NUDT5: variants seen among roughly 807,000 people sequenced by gnomAD.
The protein encoded by NUDT5 is ADP-sugar pyrophosphatase.
A neutral mutation model predicts 34.1 loss-of-function variants in NUDT5; 21 were observed. The observed-to-expected ratio is 0.62, with a 90% confidence interval of 0.44 to 0.89. The LOEUF is 0.89. Among genes scored for constraint, NUDT5 ranks in the 40% least tolerant of loss-of-function variants. NUDT5 has a pLI of 0.00. For missense variants in NUDT5, 249 were observed against 274.8 expected, an observed-to-expected ratio of 0.91 and a Z score of 0.66; for synonymous variants, 85 against 97.6, an observed-to-expected ratio of 0.87 and a Z score of 0.76.
At position 12,171,687 on chromosome 10, in the gene NUDT5, T is replaced by TTTTA. The variant is rs200279977; in HGVS notation, c.488-783_488-780dup. ...TGTGCAGTTCAAAAATTAAGATTTA[T>TTTTA]TTTATTTATTTATTTATTTATTTAT... On this transcript the variant is annotated intron_variant, in intron 7 of 9. Transcript: ENST00000491614. The surrounding 1 kb of genome is among the most constrained non-coding windows in gnomAD (Gnocchi z 4.2). Among the ~76,000 whole-genome samples the TTTTA allele has an allele frequency of 0.1, 14,646 of 139,912 alleles. 830 individuals are homozygous for TTTTA. Among genetic ancestry groups the TTTTA allele is most frequent in the Middle Eastern group, 0.18 (50 of 280 alleles). 91.8% of individuals were successfully genotyped at this position (139,912 alleles called of 152,430 possible).
chr10:12,185,815 T>A lies in NUDT5; in HGVS notation c.63+414A>T, dbSNP rs144598955. ...AAATTGAATAACACAGAGACATACA[T>A]TGGTTCTAGAATTCACTGGAATTTA... On this transcript the variant is annotated intron_variant, in intron 2 of 9. Transcript: ENST00000491614. 1.1e-3 allele frequency among the ~76,000 whole-genome samples: 169 copies of A among 152,328 alleles called. 1 individual carries two copies. The highest frequency in any genetic ancestry group is 3.5e-3 in the African/African-American group (146 of 41,586).
At chr10:12,179,282 T>A in intron 3 of NUDT5, 150 bp from the exon 4 acceptor site, 1 of 616,222 alleles carries the variant, frequency 1.6e-6, no homozygotes, top group Non-Finnish European at 2.8e-6. Context: ...AACGTCTGCA[T>A]TAAAGAAGCT....
At chr10:12,191,717 T>C (rs1334365557) in intron 1 of NUDT5, among the ~76,000 whole-genome samples, 1 of 152,182 alleles carries the variant, frequency 6.6e-6, no homozygotes, top group Non-Finnish European at 1.5e-5. Flanking sequence ...TGAGATCCTA[T>C]GTAAAAAATG....
rs1430645096 is a variant in NUDT5, at chr10:12,187,579, G to C, written c.-41-1247C>G. On this transcript the variant is annotated intron_variant, in intron 1 of 9. Transcript: ENST00000491614. This position sits in a 1 kb window ranked among gnomAD's most constrained non-coding sequence, Gnocchi z 5.4. ...ATATAGAATTATAGACCCAAAGCCA[G>C]TTGTCTATGAAACTGTAAGGCATTG... Among the ~76,000 whole-genome samples, 1 of 152,162 alleles carries C rather than the reference G, an allele frequency of 6.6e-6. No individual in the cohort carries two copies. The highest frequency in any genetic ancestry group is 1.5e-5 in the Non-Finnish European group (1 of 68,034).
rs1834905899 is a variant in NUDT5, at chr10:12,173,982, T to A, written c.290-169A>T. ...GTCCAGGTTTAAGCAATTCTCTGCT[T>A]CAGCCTCCAGAGTAGCTGGGATTAC... On this transcript the variant is annotated intron_variant, in intron 5 of 9. Coordinates refer to ENST00000491614, the MANE Select transcript of NUDT5 (RefSeq NM_014142.4). The surrounding 1 kb of genome is among the most constrained non-coding windows in gnomAD (Gnocchi z 4.7). 6.6e-6 allele frequency among the ~76,000 whole-genome samples: 1 copy of A among 152,074 alleles called. No individual in the cohort carries two copies. Among genetic ancestry groups the A allele is most frequent in the Non-Finnish European group, 1.5e-5 (1 of 68,010 alleles).
intron 2 of NUDT5, among the ~76,000 whole-genome samples, 176 bp downstream of exon 2, chr10:12,186,053 C>T (rs532640916): frequency 4.6e-5 from 7 of 152,170 alleles, no homozygotes; most frequent in African/African-American, 9.7e-5. Context: ...CACAGAGAGA[C>T]ACACTACTCC....
rs865914897 is a variant in NUDT5, at chr10:12,166,744, C to A, written c.*958G>T. On this transcript the variant is annotated 3_prime_UTR_variant, in exon 10 of 10. Coordinates refer to ENST00000491614, the MANE Select transcript of NUDT5 (RefSeq NM_014142.4). ...GAAAATCATGGAGCTGCTGGAGGCC[C>A]TAAAAGTCAACACAAAAAGAGCTAA... 2.0e-6 allele frequency: 1 copy of A among 507,854 alleles called. No individual in the cohort carries two copies. Among genetic ancestry groups the A allele is most frequent in the Non-Finnish European group, 4.0e-6 (1 of 247,726 alleles). The allele number at this position is 507,854 out of a possible 1,614,324, so 31.5% of individuals were successfully genotyped here. A position where few individuals can be genotyped will look rare whatever the true frequency, so the allele number is the denominator to read the frequency against.
In NUDT5 at chr10:12,170,005, A is replaced by C. The variant is rs754312391; in HGVS notation, c.550+712T>G. On this transcript the variant is annotated intron_variant, in intron 9 of 9. Coordinates refer to ENST00000491614, the MANE Select transcript of NUDT5 (RefSeq NM_014142.4). This position sits in a 1 kb window ranked among gnomAD's most constrained non-coding sequence, Gnocchi z 4.9. ...ATGAGTGAAAGGGATTTGCCAGCCC[A>C]TACAGAGGTGCTCCTTGAAGGGCCC... The C allele has an allele frequency of 9.9e-7, 1 of 1,009,602 alleles. No individual in the cohort carries two copies. The highest frequency in any genetic ancestry group is 1.5e-6 in the Non-Finnish European group (1 of 652,552). 62.5% of individuals were successfully genotyped at this position (1,009,602 alleles called of 1,614,324 possible).
chr10:12,182,757 G>A lies in NUDT5; in HGVS notation c.131+2132C>T, dbSNP rs1835063328. Among the ~76,000 whole-genome samples, 1 of 152,186 alleles carries A rather than the reference G, an allele frequency of 6.6e-6. No homozygotes were observed. The highest frequency in any genetic ancestry group is 2.4e-5 in the African/African-American group (1 of 41,444). On this transcript the variant is annotated intron_variant, in intron 3 of 9. Transcript: ENST00000491614. This position sits in a 1 kb window ranked among gnomAD's most constrained non-coding sequence, Gnocchi z 4.3. Reference sequence around the variant, plus strand: ...TTTTTATTTTATTTTTATTTTTTGAGATGGAGTCTCGCTCTGTCGCCCAGG... The same window carrying A: ...TTTTTATTTTATTTTTATTTTTTGAAATGGAGTCTCGCTCTGTCGCCCAGG...
intron 4 of NUDT5, 69 bp from the exon 5 acceptor site, chr10:12,177,969 G>A: frequency 8.7e-7 from 1 of 1,154,842 alleles, no homozygotes; most frequent in South Asian, 1.3e-5. Flanking sequence ...ATTGTTTAGA[G>A]CAAGCTAATG....
chr10:12,182,355 TG>T lies in NUDT5; in HGVS notation c.131+2533del, dbSNP rs773306987. Among the ~76,000 whole-genome samples the T allele has an allele frequency of 3.0e-4, 46 of 152,322 alleles. No homozygotes were observed. Among genetic ancestry groups the T allele is most frequent in the Non-Finnish European group, 3.5e-4 (24 of 68,026 alleles). On this transcript the variant is annotated intron_variant, in intron 3 of 9. Transcript: ENST00000491614. This position sits in a 1 kb window ranked among gnomAD's most constrained non-coding sequence, Gnocchi z 4.3. ...ATTTTCAGATTAGGGCTGCTCAACCTGTACACGCAGGCTTTTATATCAGGTC... is the reference window on the plus strand; with the variant it reads ...ATTTTCAGATTAGGGCTGCTCAACCTTACACGCAGGCTTTTATATCAGGTC...
At chr10:12,192,837 C>T (rs1001556417) in intron 1 of NUDT5, among the ~76,000 whole-genome samples, 5 of 151,550 alleles carry the variant, frequency 3.3e-5, no homozygotes, top group African/African-American at 7.3e-5. Context: ...GGCGACAGAG[C>T]GAGACTCTGT....
rs1241403551 is a variant in NUDT5 at position 12,173,641 on chromosome 10, G to A, written c.385+77C>T. ...TCTTTCTCTTCAGTGAATTCTGAGC[G>A]TAAAGAACACCCAAATAATCAATCC... On this transcript the variant is annotated intron_variant, in intron 6 of 9. Coordinates refer to ENST00000491614, the MANE Select transcript of NUDT5 (RefSeq NM_014142.4). This position sits in a 1 kb window ranked among gnomAD's most constrained non-coding sequence, Gnocchi z 4.7. 6 of 1,100,494 alleles carry A rather than the reference G, an allele frequency of 5.5e-6. No individual in the cohort carries two copies. Among genetic ancestry groups the A allele is most frequent in the Non-Finnish European group, 7.0e-6 (5 of 713,436 alleles). 68.2% of individuals were successfully genotyped at this position (1,100,494 alleles called of 1,614,324 possible). A position where few individuals can be genotyped will look rare whatever the true frequency, so the allele number is the denominator to read the frequency against.
chr10:12,193,025 A>G (rs114871650), intron 1 of NUDT5, among the ~76,000 whole-genome samples: 2,843 of 151,718 alleles, frequency 0.019, 96 homozygotes, highest in African/African-American at 0.064. Flanking sequence ...CTACTTGGTG[A>G]TCTCCAGGAA....
chr10:12,169,386 C>A lies in NUDT5; in HGVS notation c.550+1331G>T. 1 of 1,158,924 alleles carries A rather than the reference C, an allele frequency of 8.6e-7. No homozygotes were observed. Among genetic ancestry groups the A allele is most frequent in the Admixed American group, 2.3e-5 (1 of 44,008 alleles). 71.8% of individuals were successfully genotyped at this position (1,158,924 alleles called of 1,614,324 possible). On this transcript the variant is annotated intron_variant, in intron 9 of 9. Transcript: ENST00000491614. The surrounding 1 kb of genome is among the most constrained non-coding windows in gnomAD (Gnocchi z 4.8). ...ACGTCACCCTGCTTTCCACGCACCT[C>A]CTCAGAGGGAGGGGCTGTTATTGTT...
chr10:12,169,182 CCCT>C lies in NUDT5; in HGVS notation c.551-1374_551-1372del, dbSNP rs1834789152. On this transcript the variant is annotated intron_variant, in intron 9 of 9. Coordinates refer to ENST00000491614, the MANE Select transcript of NUDT5 (RefSeq NM_014142.4). This position sits in a 1 kb window ranked among gnomAD's most constrained non-coding sequence, Gnocchi z 4.8. ...AAGCTAGGCAACTTGGTTCTTTTAC[CCCT>C]CCTCCTTTATAGCCATAGTAGCCCT... 1.1e-6 allele frequency: 1 copy of C among 910,110 alleles called. No individual in the cohort carries two copies. The highest frequency in any genetic ancestry group is 1.7e-6 in the Non-Finnish European group (1 of 597,486). 56.4% of individuals were successfully genotyped at this position (910,110 alleles called of 1,614,324 possible).
At chr10:12,194,418 CAT>C (rs1244932592) in intron 1 of NUDT5, among the ~76,000 whole-genome samples, 1 of 152,250 alleles carries the variant, frequency 6.6e-6, no homozygotes, top group Non-Finnish European at 1.5e-5. Flanking sequence ...ACCCTCCAGA[CAT>C]ATATACAATA....
intron 1 of NUDT5, among the ~76,000 whole-genome samples, chr10:12,194,127 G>A (rs1467374065): frequency 5.3e-5 from 8 of 152,104 alleles, no homozygotes; most frequent in African/African-American, 1.7e-4. Flanking sequence ...CGCCCGCCTC[G>A]GCCTCCCAGA....
chr10:12,170,313 C>T lies in NUDT5; in HGVS notation c.550+404G>A. ...TGTTGAAGGAGCATCATCAATTTCTCCTTGAACATACAGCCTCCACAAAGG... is the reference window on the plus strand; with the variant it reads ...TGTTGAAGGAGCATCATCAATTTCTTCTTGAACATACAGCCTCCACAAAGG... On this transcript the variant is annotated intron_variant, in intron 9 of 9. Transcript: ENST00000491614. This position sits in a 1 kb window ranked among gnomAD's most constrained non-coding sequence, Gnocchi z 4.9. 1.0e-6 allele frequency: 1 copy of T among 990,268 alleles called. No individual in the cohort carries two copies. The highest frequency in any genetic ancestry group is 1.5e-5 in the South Asian group (1 of 68,136). The allele number at this position is 990,268 out of a possible 1,614,324, so 61.3% of individuals were successfully genotyped here. A position where few individuals can be genotyped will look rare whatever the true frequency, so the allele number is the denominator to read the frequency against.
Sources: allele counts gnomAD v4.1 joint callset (sites outside exome capture counted in the v4.1 genomes callset), GRCh38; gene constraint gnomAD v4.1.1; non-coding constraint Gnocchi (gnomAD v3.1); transcripts MANE v1.5; gene names NCBI Gene and HGNC (gene_info 2026-07-23, HGNC 2026-07-21).